Variants in ABTB3 observed in about 807,000 individuals in gnomAD.
ABTB3 encodes the protein ankyrin repeat- and BTB/POZ domain-containing protein 3.
chr12:107,357,611 T>TA, the ABTB3 span, among the ~76,000 whole-genome samples: 2 of 152,102 alleles, frequency 1.3e-5, no homozygotes, highest in Non-Finnish European at 2.9e-5. Flanking sequence ...ATTCTATCTC[T>TA]AAAAAAATAA....
chr12:107,600,221 T>C, the ABTB3 span, among the ~76,000 whole-genome samples: 73 of 152,296 alleles, frequency 4.8e-4, 1 homozygote, highest in East Asian at 0.014. Context: ...GAGTGCCAGC[T>C]CCATCACCTA....
At chr12:107,456,254 A>G in the ABTB3 span, among the ~76,000 whole-genome samples, 1 of 152,156 alleles carries the variant, frequency 6.6e-6, no homozygotes, top group South Asian at 2.1e-4. Flanking sequence ...GGGGTCCCCA[A>G]CCCCTGAGCT....
the ABTB3 span, among the ~76,000 whole-genome samples, chr12:107,497,124 C>T: frequency 2.6e-5 from 4 of 152,096 alleles, no homozygotes; most frequent in African/African-American, 7.2e-5. Context: ...CTACCATCAT[C>T]GTTACCTCCA....
chr12:107,351,348 C>T, the ABTB3 span, among the ~76,000 whole-genome samples: 5 of 152,178 alleles, frequency 3.3e-5, no homozygotes, highest in Admixed American at 1.3e-4. Context: ...CATTGTGTTC[C>T]ACTGCACTTT....
At chr12:107,605,088 T>C in the ABTB3 span, among the ~76,000 whole-genome samples, 28,340 of 152,154 alleles carry the variant, frequency 0.19, 4,151 homozygotes, top group African/African-American at 0.41. Flanking sequence ...TGGTAATTAG[T>C]TTGATTTAGC....
At chr12:107,341,895 G>A in the ABTB3 span, among the ~76,000 whole-genome samples, 1 of 152,096 alleles carries the variant, frequency 6.6e-6, no homozygotes, top group African/African-American at 2.4e-5. Flanking sequence ...CTTTTGCCAT[G>A]TGACATGCCT....
At chr12:107,610,181 C>T in the ABTB3 span, 3 of 1,614,156 alleles carry the variant, frequency 1.9e-6, no homozygotes, top group Non-Finnish European at 2.5e-6. Flanking sequence ...TGTCTCTTCC[C>T]TTCCTTAGGG....
the ABTB3 span, among the ~76,000 whole-genome samples, chr12:107,528,516 AGG>A: frequency 7.9e-5 from 12 of 152,226 alleles, no homozygotes; most frequent in South Asian, 2.1e-4. Context: ...ATTGATTCTC[AGG>A]TAGGCTTCTA....
At chr12:107,648,249 C>T in the ABTB3 span, among the ~76,000 whole-genome samples, 2 of 151,916 alleles carry the variant, frequency 1.3e-5, no homozygotes, top group African/African-American at 2.4e-5. Flanking sequence ...GGCGTGGCAG[C>T]GTGCACCTGT....
At chr12:107,319,294 G>A in the ABTB3 span, 1 of 1,542,824 alleles carries the variant, frequency 6.5e-7, no homozygotes. Flanking sequence ...GGGCAGGCCC[G>A]GCGGTCCCCG....
chr12:107,435,605 G>A, the ABTB3 span, among the ~76,000 whole-genome samples: 257 of 152,308 alleles, frequency 1.7e-3, no homozygotes, highest in African/African-American at 5.8e-3. Flanking sequence ...TTTGTTGAAT[G>A]AATGAATGAG....
the ABTB3 span, among the ~76,000 whole-genome samples, chr12:107,545,302 G>T: frequency 6.6e-6 from 1 of 152,002 alleles, no homozygotes; most frequent in South Asian, 2.1e-4. Flanking sequence ...GAGTGCAGTG[G>T]CATGATCTCT....
chr12:107,491,158 A>G, the ABTB3 span, among the ~76,000 whole-genome samples: 2 of 152,148 alleles, frequency 1.3e-5, no homozygotes, highest in Non-Finnish European at 2.9e-5. Context: ...TCCAAGATCC[A>G]TTCATTCATC....
the ABTB3 span, among the ~76,000 whole-genome samples, chr12:107,349,979 G>A: frequency 1.3e-5 from 2 of 152,112 alleles, no homozygotes; most frequent in African/African-American, 2.4e-5. Context: ...CAAATACCCC[G>A]GTGACTGTGA....
At chr12:107,539,935 G>T in the ABTB3 span, among the ~76,000 whole-genome samples, 1 of 152,092 alleles carries the variant, frequency 6.6e-6, no homozygotes, top group Non-Finnish European at 1.5e-5. Context: ...CCTGTGATCT[G>T]CCTCTAAAAG....
chr12:107,328,888 G>C, the ABTB3 span, among the ~76,000 whole-genome samples: 7 of 152,158 alleles, frequency 4.6e-5, no homozygotes, highest in African/African-American at 1.4e-4. Context: ...TGGTGGTGGT[G>C]GTTATGGTTG....
the ABTB3 span, among the ~76,000 whole-genome samples, chr12:107,490,217 G>A: frequency 6.6e-6 from 1 of 152,126 alleles, no homozygotes; most frequent in Non-Finnish European, 1.5e-5. Flanking sequence ...TCCTGAAGGC[G>A]GGGCTGCTTG....
chr12:107,514,029 T>G, the ABTB3 span, among the ~76,000 whole-genome samples: 347 of 152,362 alleles, frequency 2.3e-3, no homozygotes, highest in South Asian at 3.9e-3. Context: ...GTACTTTCTA[T>G]AGGCCAGAGG....
the ABTB3 span, among the ~76,000 whole-genome samples, chr12:107,568,670 C>G: frequency 6.6e-6 from 1 of 152,204 alleles, no homozygotes; most frequent in Non-Finnish European, 1.5e-5. Flanking sequence ...TTTTATTGGA[C>G]AGAAAGTTCT....
Sources: allele counts gnomAD v4.1 joint callset (sites outside exome capture counted in the v4.1 genomes callset), GRCh38; gene constraint gnomAD v4.1.1; transcripts MANE v1.5; gene names NCBI Gene and HGNC (gene_info 2026-07-23, HGNC 2026-07-21).